The following GPC6 variants were observed in gnomAD, a reference collection of about 807,000 sequenced individuals.
GPC6 encodes the protein glypican-6.
Under a neutral mutation model 55.2 loss-of-function variants are expected in GPC6, and 14 were observed. The ratio of observed to expected loss-of-function variants is 0.25; its 90% CI spans 0.17 to 0.40. The LOEUF (loss-of-function observed/expected upper bound fraction) is 0.40. GPC6 is among the 10% of genes least tolerant of loss of function. GPC6 has a pLI of 1.00. For missense variants in GPC6, 641 were observed against 708.5 expected, an observed-to-expected ratio of 0.90 and a Z score of 1.08; for synonymous variants, 278 against 259.6, an observed-to-expected ratio of 1.07 and a Z score of -0.68.
intron 1 of GPC6, among the ~76,000 whole-genome samples, chr13:93,235,622 G>A (rs1046259315): frequency 6.1e-5 from 9 of 148,490 alleles, no homozygotes; most frequent in Middle Eastern, 3.4e-3. Flanking sequence ...ATGAGAGAAG[G>A]AAGAAACAAG....
chr13:93,932,973 C>CTTTTTTTTTTTTTTTTTTTTTTGTTT (rs59362571), intron 3 of GPC6, among the ~76,000 whole-genome samples: 1 of 102,382 alleles, frequency 9.8e-6, no homozygotes, highest in African/African-American at 3.6e-5. Context: ...TTGTTTTGTT[C>CTTTTTTTTTTTTTTTTTTTTTTGTTT]TTTTTTTTTT....
At chr13:93,847,578 C>A (rs1888229930) in intron 3 of GPC6, among the ~76,000 whole-genome samples, 1 of 152,040 alleles carries the variant, frequency 6.6e-6, no homozygotes, top group African/African-American at 2.4e-5. Flanking sequence ...TATGAAATTA[C>A]AATTTTAGTG....
At chr13:93,976,842 A>C (rs921414469) in intron 3 of GPC6, among the ~76,000 whole-genome samples, 2 of 151,834 alleles carry the variant, frequency 1.3e-5, no homozygotes, top group Admixed American at 1.3e-4. Flanking sequence ...GTAGGCTCCT[A>C]ATTACTTAGA....
chr13:94,323,361 A>G (rs1401200935), intron 6 of GPC6, among the ~76,000 whole-genome samples: 1 of 152,214 alleles, frequency 6.6e-6, no homozygotes, highest in Non-Finnish European at 1.5e-5. Flanking sequence ...ATAGAAGCCA[A>G]TGTGCATAAA....
intron 1 of GPC6, among the ~76,000 whole-genome samples, chr13:93,456,566 T>C (rs61964204): frequency 0.22 from 33,361 of 151,832 alleles, 4,150 homozygotes; most frequent in Middle Eastern, 0.37. Flanking sequence ...GCTGGGGCTG[T>C]AGTTACAAAG....
intron 2 of GPC6, among the ~76,000 whole-genome samples, chr13:93,585,389 T>C (rs1427206692): frequency 3.3e-5 from 5 of 152,302 alleles, no homozygotes; most frequent in East Asian, 1.9e-4. Flanking sequence ...ACAGTTAATA[T>C]TGGAATTTTT....
chr13:94,185,877 G>A (rs1158007587), intron 4 of GPC6, among the ~76,000 whole-genome samples: 2 of 151,890 alleles, frequency 1.3e-5, no homozygotes, highest in Non-Finnish European at 1.5e-5. Context: ...TGGCTAACAC[G>A]GTGAAACCCT....
intron 1 of GPC6, among the ~76,000 whole-genome samples, chr13:93,372,127 A>T (rs1448846403): frequency 1.3e-5 from 2 of 152,194 alleles, no homozygotes; most frequent in Non-Finnish European, 2.9e-5. Context: ...TCTTTTCAGT[A>T]TGTATGTGTA....
chr13:94,185,708 A>G (rs1889156692), intron 4 of GPC6, among the ~76,000 whole-genome samples: 1 of 152,140 alleles, frequency 6.6e-6, no homozygotes, highest in South Asian at 2.1e-4. Flanking sequence ...TGGAAACATA[A>G]CTTGGTCATC....
rs367764447 is a variant in GPC6, at chr13:93,592,613, T to C, written c.319+47192T>C. ...GAAAAATAGTAGTATTGCAAATGAG[T>C]ATTATTATTGCTAAAAATAAATCTT... On this transcript the variant is annotated intron_variant, in intron 2 of 8. Coordinates refer to ENST00000377047, the MANE Select transcript of GPC6 (RefSeq NM_005708.5). Among the ~76,000 whole-genome samples, 55 of 151,146 alleles carry C rather than the reference T, an allele frequency of 3.6e-4. 1 individual carries two copies. In the East Asian group the frequency reaches 7.0e-3, roughly 19 times the overall value.
At chr13:94,376,956 T>C (rs2139200650) in intron 6 of GPC6, among the ~76,000 whole-genome samples, 1 of 151,888 alleles carries the variant, frequency 6.6e-6, no homozygotes, top group South Asian at 2.1e-4. Flanking sequence ...GGGAAAGGAT[T>C]CCCTATTTAA....
intron 6 of GPC6, among the ~76,000 whole-genome samples, chr13:94,344,865 T>C (rs1878211671): frequency 6.6e-6 from 1 of 152,254 alleles, no homozygotes; most frequent in Non-Finnish European, 1.5e-5. Context: ...CAATATATTC[T>C]GGATTAATCC....
At chr13:93,841,991 T>C (rs1887970992) in intron 3 of GPC6, among the ~76,000 whole-genome samples, 1 of 152,188 alleles carries the variant, frequency 6.6e-6, no homozygotes, top group African/African-American at 2.4e-5. Flanking sequence ...ATACAAGTCT[T>C]TTCATAGAGA....
intron 1 of GPC6, among the ~76,000 whole-genome samples, chr13:93,272,289 A>G (rs1877557089): frequency 6.6e-6 from 1 of 152,030 alleles, no homozygotes; most frequent in African/African-American, 2.4e-5. Flanking sequence ...CAGATTTACC[A>G]AATGAATAAG....
intron 6 of GPC6, among the ~76,000 whole-genome samples, chr13:94,370,367 T>G (rs1879485441): frequency 6.6e-6 from 1 of 152,206 alleles, no homozygotes; most frequent in African/African-American, 2.4e-5. Context: ...GCCCTTTGCT[T>G]AGCTAGGACT....
chr13:93,836,179 A>G (rs917681787), intron 3 of GPC6: 2 of 152,206 alleles, frequency 1.3e-5, no homozygotes, highest in African/African-American at 4.8e-5. Context: ...CTTTCAATAA[A>G]TGTGGTTGAT....
chr13:93,437,925 G>C (rs973367385), intron 1 of GPC6, among the ~76,000 whole-genome samples: 2 of 152,042 alleles, frequency 1.3e-5, no homozygotes, highest in African/African-American at 4.8e-5. Flanking sequence ...ATTTGTTAGG[G>C]GCTAATGCAG....
At chr13:94,109,377 G>A (rs1886161338) in intron 4 of GPC6, among the ~76,000 whole-genome samples, 1 of 151,958 alleles carries the variant, frequency 6.6e-6, no homozygotes, top group South Asian at 2.1e-4. Context: ...CTGATTTATG[G>A]TTTCAATCAG....
At chr13:94,059,730 T>G (rs1359240395) in intron 4 of GPC6, among the ~76,000 whole-genome samples, 1 of 151,880 alleles carries the variant, frequency 6.6e-6, no homozygotes, top group Admixed American at 6.6e-5. Context: ...GACATCTTTT[T>G]GCTATGCCCT....
Sources: gnomAD v4.1 joint callset for allele counts (sites outside exome capture counted in the v4.1 genomes callset) on GRCh38, gnomAD v4.1.1 for gene constraint, MANE v1.5 for transcripts, NCBI Gene and HGNC (gene_info 2026-07-23, HGNC 2026-07-21) for gene names.